Variants in EFCAB13 observed in about 807,000 individuals in gnomAD.
EFCAB13 encodes the protein EF-hand calcium-binding domain-containing protein 13.
Under a neutral mutation model 110.2 loss-of-function variants are expected in EFCAB13, and 91 were observed. That is an observed-to-expected ratio of 0.83 (90% CI 0.70 to 0.98). The LOEUF is 0.98. EFCAB13 is among the 50% of genes least tolerant of loss of function. The pLI is 0.00. For missense variants in EFCAB13, 968 were observed against 1,119.4 expected (o/e 0.86, Z 1.93); for synonymous variants, 323 against 369.9 (o/e 0.87, Z 1.45).
chr17:47,386,057 T>C (rs2065673891), intron 14 of EFCAB13, among the ~76,000 whole-genome samples: 1 of 152,192 alleles, frequency 6.6e-6, no homozygotes, highest in Non-Finnish European at 1.5e-5. Flanking sequence ...GCATGAGGTG[T>C]CTGACAATCG....
At chr17:47,376,353 A>G (rs2065615327) in intron 12 of EFCAB13, among the ~76,000 whole-genome samples, 1 of 152,224 alleles carries the variant, frequency 6.6e-6, no homozygotes, top group African/African-American at 2.4e-5. Flanking sequence ...TAAAGGAATA[A>G]TGAAACAGCA....
chr17:47,346,838 GT>G (rs1246213609), intron 8 of EFCAB13, among the ~76,000 whole-genome samples: 1 of 152,122 alleles, frequency 6.6e-6, no homozygotes, highest in Non-Finnish European at 1.5e-5. Context: ...TGAAGGAGTT[GT>G]TTTCATTAGT....
chr17:47,419,158 G>A (rs1428384427), intron 23 of EFCAB13, among the ~76,000 whole-genome samples: 2 of 152,170 alleles, frequency 1.3e-5, no homozygotes, highest in Admixed American at 6.5e-5. Context: ...AGCCTGTCAG[G>A]ATTTGTGGGG....
chr17:47,377,725 A>G, intron 12 of EFCAB13, 41 bp from the exon 13 acceptor site: 1 of 1,494,178 alleles, frequency 6.7e-7, no homozygotes, highest in South Asian at 1.4e-5. Context: ...TTGACACATA[A>G]ATTCTGTTGC....
intron 15 of EFCAB13, 80 bp from the exon 16 acceptor site, chr17:47,393,945 A>G: frequency 1.4e-6 from 1 of 696,246 alleles, no homozygotes; most frequent in South Asian, 2.2e-5. Context: ...TTCTGAATAT[A>G]TAACGTATTT....
chr17:47,382,505 G>T (rs1274421555), intron 14 of EFCAB13, among the ~76,000 whole-genome samples: 1 of 152,128 alleles, frequency 6.6e-6, no homozygotes, highest in African/African-American at 2.4e-5. Flanking sequence ...GTCATAAATA[G>T]CTCTTATTAT....
At chr17:47,436,697 T>A (rs1412584777) in intron 24 of EFCAB13, among the ~76,000 whole-genome samples, 3 of 152,064 alleles carry the variant, frequency 2.0e-5, no homozygotes, top group Non-Finnish European at 4.4e-5. Context: ...GTCTATCAAT[T>A]TTATTTATCT....
chr17:47,348,856 G>T (rs1262841127), intron 9 of EFCAB13, among the ~76,000 whole-genome samples: 1 of 151,866 alleles, frequency 6.6e-6, no homozygotes, highest in African/African-American at 2.4e-5. Flanking sequence ...CCATTCTGTT[G>T]CTTGTCTTTT....
chr17:47,394,156 T>G (rs899102053), intron 16 of EFCAB13, 57 bp downstream of exon 16: 1 of 1,164,756 alleles, frequency 8.6e-7, no homozygotes, highest in Non-Finnish European at 1.2e-6. Context: ...TGACAGATTT[T>G]AGAAGAGCGT....
intron 24 of EFCAB13, chr17:47,430,495 T>G (rs1263554734): frequency 6.6e-6 from 1 of 152,520 alleles, no homozygotes; most frequent in Non-Finnish European, 1.5e-5. Flanking sequence ...TTTTCTTCCT[T>G]GAATGTTGAG....
intron 8 of EFCAB13, among the ~76,000 whole-genome samples, chr17:47,345,531 G>C (rs964274079): frequency 6.6e-6 from 1 of 152,018 alleles, no homozygotes; most frequent in African/African-American, 2.4e-5. Flanking sequence ...ATTTCACATA[G>C]TTTTCCTTTT....
intron 18 of EFCAB13, among the ~76,000 whole-genome samples, chr17:47,403,102 G>A (rs1419944404): frequency 6.6e-6 from 1 of 152,196 alleles, no homozygotes; most frequent in Non-Finnish European, 1.5e-5. Context: ...TCCCAGTGAT[G>A]TTAGAGGAAT....
intron 15 of EFCAB13, among the ~76,000 whole-genome samples, chr17:47,393,731 A>C (rs1276401966): frequency 6.7e-6 from 1 of 148,414 alleles, no homozygotes; most frequent in East Asian, 2.0e-4. Flanking sequence ...TAAATAAATA[A>C]ATAAATAAAT....
intron 23 of EFCAB13, among the ~76,000 whole-genome samples, chr17:47,419,222 T>A (rs1904547916): frequency 6.6e-6 from 1 of 152,090 alleles, no homozygotes; most frequent in Admixed American, 6.5e-5. Flanking sequence ...GTAAAATGGC[T>A]GAAAACCAAC....
intron 11 of EFCAB13, 149 bp from the exon 12 acceptor site, chr17:47,374,323 T>G: frequency 1.8e-6 from 1 of 565,716 alleles, no homozygotes; most frequent in South Asian, 4.0e-5. Context: ...ATCTTTTGAC[T>G]GTCAGTTCTT....
chr17:47,434,884 C>A (rs1905184538), intron 24 of EFCAB13, among the ~76,000 whole-genome samples: 3 of 152,030 alleles, frequency 2.0e-5, no homozygotes, highest in African/African-American at 7.2e-5. Flanking sequence ...TATACAAAAT[C>A]AACTCAAGAT....
intron 9 of EFCAB13, among the ~76,000 whole-genome samples, chr17:47,359,986 G>T (rs1160062179): frequency 4.0e-5 from 6 of 151,556 alleles, no homozygotes; most frequent in Non-Finnish European, 7.4e-5. Context: ...TAGTATTCCA[G>T]GGTGTATATG....
chr17:47,408,873 A>G (rs1209523932), intron 20 of EFCAB13, among the ~76,000 whole-genome samples: 2 of 152,080 alleles, frequency 1.3e-5, no homozygotes, highest in Admixed American at 1.3e-4. Flanking sequence ...CTGGCCAAAA[A>G]TATTAATAGT....
At chr17:47,378,074 G>T (rs1258772540) in intron 13 of EFCAB13, among the ~76,000 whole-genome samples, 171 bp downstream of exon 13, 2 of 152,148 alleles carry the variant, frequency 1.3e-5, no homozygotes, top group Non-Finnish European at 2.9e-5. Context: ...ATTCCTTTAA[G>T]TTCTGACCAA....
Sources: allele counts gnomAD v4.1 joint callset (sites outside exome capture counted in the v4.1 genomes callset), GRCh38; gene constraint gnomAD v4.1.1; transcripts MANE v1.5; gene names NCBI Gene and HGNC (gene_info 2026-07-23, HGNC 2026-07-21).